SEL1L2: variants seen among roughly 807,000 people sequenced by gnomAD.
SEL1L2 encodes SEL1L2 adaptor subunit of SYVN1 ubiquitin ligase.
A neutral mutation model predicts 98.8 loss-of-function variants in SEL1L2; 89 were observed. That is an observed-to-expected ratio of 0.90 (90% CI 0.76 to 1.07). SEL1L2 has a LOEUF of 1.07. Ranked by LOEUF, SEL1L2 falls within the 50% of genes least tolerant of loss-of-function variation. The pLI, the probability that SEL1L2 is intolerant of heterozygous loss-of-function variation, is 0.00. For missense variants in SEL1L2, 788 were observed against 812.0 expected, an observed-to-expected ratio of 0.97 and a Z score of 0.36; for synonymous variants, 262 against 278.5, an observed-to-expected ratio of 0.94 and a Z score of 0.59.
At chr20:13,886,135 G>T (rs2046942781) in intron 9 of SEL1L2, among the ~76,000 whole-genome samples, 153 bp downstream of exon 9, 1 of 152,150 alleles carries the variant, frequency 6.6e-6, no homozygotes, top group Non-Finnish European at 1.5e-5. Flanking sequence ...GTAAGTAGCA[G>T]GGAACAAAAC....
At chr20:13,862,106 A>G (rs930662549) in intron 17 of SEL1L2, among the ~76,000 whole-genome samples, 5 of 152,248 alleles carry the variant, frequency 3.3e-5, no homozygotes, top group Non-Finnish European at 1.5e-5. Context: ...ACACAATCCC[A>G]GAACCCGGAA....
At chr20:13,914,951 G>A (rs1476842642) in intron 4 of SEL1L2, among the ~76,000 whole-genome samples, 1 of 152,138 alleles carries the variant, frequency 6.6e-6, no homozygotes, top group Non-Finnish European at 1.5e-5. Flanking sequence ...CAAAACATGT[G>A]TCAGAGACAG....
intron 2 of SEL1L2, among the ~76,000 whole-genome samples, chr20:13,949,619 T>C (rs990880176): frequency 2.6e-5 from 4 of 151,530 alleles, no homozygotes; most frequent in African/African-American, 9.7e-5. Flanking sequence ...GCCAAGCTCG[T>C]GCCACTGCAC....
chr20:13,865,835 G>A (rs985283398), intron 15 of SEL1L2, among the ~76,000 whole-genome samples: 1 of 68,586 alleles, frequency 1.5e-5, no homozygotes, highest in East Asian at 6.9e-4. Flanking sequence ...GTGTGTCTGT[G>A]TGTGTGTGTG....
chr20:13,858,853 G>A (rs1175290555), intron 18 of SEL1L2, among the ~76,000 whole-genome samples: 1 of 152,154 alleles, frequency 6.6e-6, no homozygotes, highest in Non-Finnish European at 1.5e-5. Context: ...TACCACCTTG[G>A]TATCCAGCTC....
At chr20:13,861,303 G>A (rs112018197) in intron 17 of SEL1L2, among the ~76,000 whole-genome samples, 4,617 of 151,934 alleles carry the variant, frequency 0.03, 250 homozygotes, top group African/African-American at 0.11. Context: ...AGTCTCCTGA[G>A]TAGCTAGGAC....
chr20:13,935,080 T>A (rs116725802), intron 2 of SEL1L2, among the ~76,000 whole-genome samples: 1 of 152,196 alleles, frequency 6.6e-6, no homozygotes, highest in African/African-American at 2.4e-5. Flanking sequence ...CCTGTGACTG[T>A]CTGATGTTTC....
At chr20:13,883,316 A>G (rs966418621) in intron 10 of SEL1L2, among the ~76,000 whole-genome samples, 6 of 152,202 alleles carry the variant, frequency 3.9e-5, no homozygotes, top group Non-Finnish European at 8.8e-5. Context: ...AGGAAGAGCT[A>G]AAGGAAACTG....
intron 5 of SEL1L2, among the ~76,000 whole-genome samples, chr20:13,912,292 A>ATTTT (rs11478603): frequency 7.2e-5 from 8 of 111,320 alleles, no homozygotes; most frequent in African/African-American, 1.0e-4. Flanking sequence ...TTTCTGTGGG[A>ATTTT]TTTTTTTTTT....
intron 5 of SEL1L2, 44 bp from the exon 6 acceptor site, chr20:13,888,556 TTCC>T: frequency 1.1e-5 from 12 of 1,085,270 alleles, no homozygotes; most frequent in Non-Finnish European, 1.6e-5. Context: ...ATCAATTTAT[TTCC>T]TAATTATCTA....
At chr20:13,869,075 CA>C (rs1436957086) in intron 14 of SEL1L2, among the ~76,000 whole-genome samples, 1 of 151,976 alleles carries the variant, frequency 6.6e-6, no homozygotes, top group Non-Finnish European at 1.5e-5. Flanking sequence ...GCCTACCCTT[CA>C]ATACAGCACG....
At position 13,865,505 on chromosome 20, in the gene SEL1L2, C is replaced by T; in HGVS notation, c.1414G>A (p.Gly472Ser). The stretch of plus-strand genomic sequence containing the variant: ...GCCCAGTGGCCTAGTTCACAGACAC[C>T]TTTATAAAGCTGTACATGAGAGGAG... ...SCRTAVELYK[G>S]VCELGHWAEK... is the part of the protein sequence containing the mutation. Residue 472 changes from glycine to serine, a missense_variant, in exon 16 of 20, where the codon GGT (glycine) becomes AGT (serine). Gly to Ser is a moderately conservative substitution (Grantham distance 56). Coordinates refer to ENST00000284951, the MANE Select transcript of SEL1L2 (RefSeq NM_025229.2). 2 of 1,613,604 alleles carry T rather than the reference C, an allele frequency of 1.2e-6. No homozygotes were observed. The highest frequency in any genetic ancestry group is 2.2e-5 in the South Asian group (2 of 91,030).
chr20:13,893,694 G>A (rs559212183), intron 5 of SEL1L2, among the ~76,000 whole-genome samples: 1 of 152,196 alleles, frequency 6.6e-6, no homozygotes, highest in African/African-American at 2.4e-5. Flanking sequence ...AGACATATGT[G>A]GAACATTCTA....
chr20:13,921,089 T>C lies in SEL1L2; in HGVS notation c.284-1966A>G, dbSNP rs73261485. Among the ~76,000 whole-genome samples, 227 of 152,370 alleles carry C rather than the reference T, an allele frequency of 1.5e-3. 1 individual carries two copies. Among genetic ancestry groups the C allele is most frequent in the African/African-American group, 5.2e-3 (215 of 41,586 alleles). Reference sequence around the variant, plus strand: ...TTTTGAAAGATTGGCTCTGTATACATATACATATGAGAAATGATTTTACCA... The same window carrying C: ...TTTTGAAAGATTGGCTCTGTATACACATACATATGAGAAATGATTTTACCA... On this transcript the variant is annotated intron_variant, in intron 3 of 19. Transcript: ENST00000284951.
chr20:13,916,827 T>C (rs2048426741), intron 4 of SEL1L2, among the ~76,000 whole-genome samples: 1 of 151,744 alleles, frequency 6.6e-6, no homozygotes, highest in South Asian at 2.1e-4. Flanking sequence ...GCGGGGGTGG[T>C]CAGGAGACTG....
intron 18 of SEL1L2, among the ~76,000 whole-genome samples, chr20:13,855,600 C>T (rs919376157): frequency 6.6e-6 from 1 of 152,172 alleles, no homozygotes; most frequent in Non-Finnish European, 1.5e-5. Flanking sequence ...CATTCCAAAG[C>T]GTATGTTCCT....
chr20:13,882,990 T>G (rs368579427), intron 10 of SEL1L2, among the ~76,000 whole-genome samples: 36 of 152,038 alleles, frequency 2.4e-4, no homozygotes, highest in South Asian at 6.2e-4. Flanking sequence ...CTAATTTTTT[T>G]TGTGTGTTTT....
intron 2 of SEL1L2, among the ~76,000 whole-genome samples, chr20:13,936,386 G>A (rs2049455227): frequency 6.6e-6 from 1 of 152,186 alleles, no homozygotes; most frequent in Non-Finnish European, 1.5e-5. Flanking sequence ...CTGCTAAGAT[G>A]TAGGCATAGT....
chr20:13,983,284 C>T (rs1326489997), intron 1 of SEL1L2, among the ~76,000 whole-genome samples: 1 of 151,792 alleles, frequency 6.6e-6, no homozygotes, highest in Non-Finnish European at 1.5e-5. Flanking sequence ...TTATGTCCCC[C>T]TCAATAATTT....
Sources: allele counts gnomAD v4.1 joint callset (sites outside exome capture counted in the v4.1 genomes callset), GRCh38; gene constraint gnomAD v4.1.1; transcripts MANE v1.5; gene names NCBI Gene and HGNC (gene_info 2026-07-23, HGNC 2026-07-21).